THRB: variants seen among roughly 807,000 people sequenced by gnomAD.
The protein encoded by THRB is thyroid hormone receptor beta, also known as nuclear receptor subfamily 1 group A member 2.
THRB carries 12 observed loss-of-function variants against 47.8 expected under a neutral mutation model. That is an observed-to-expected ratio of 0.25 (90% CI 0.16 to 0.41). The LOEUF is 0.41. Ranked by LOEUF, THRB falls within the 10% of genes least tolerant of loss-of-function variation. The pLI, the probability that THRB is intolerant of heterozygous loss-of-function variation, is 1.00. For synonymous variants in THRB, 218 were observed against 212.2 expected, an observed-to-expected ratio of 1.03 and a Z score of -0.24; for missense variants, 348 against 589.2, an observed-to-expected ratio of 0.59 and a Z score of 4.24.
rs547691729 is a variant in THRB, at chr3:24,294,976, T to C, written c.-43+2250A>G. 2.0e-5 allele frequency among the ~76,000 whole-genome samples: 3 copies of C among 152,318 alleles called. No individual in the cohort carries two copies. The East Asian group carries it at 5.8e-4, about 29-fold the overall frequency. On this transcript the variant is annotated intron_variant, in intron 3 of 10. Transcript: ENST00000646209. ...CTTCACTGAAATGTAAGAAATCACC[T>C]GTGAATTCAATAAAATCCATGTTAG...
At chr3:24,400,756 T>C (rs903573202) in intron 1 of THRB, among the ~76,000 whole-genome samples, 9 of 152,058 alleles carry the variant, frequency 5.9e-5, no homozygotes, top group African/African-American at 2.2e-4. Context: ...CTAGATCAGA[T>C]GCTTACTAAA....
intron 4 of THRB, among the ~76,000 whole-genome samples, chr3:24,192,186 A>C (rs1246211757): frequency 1.3e-5 from 2 of 152,202 alleles, no homozygotes; most frequent in East Asian, 3.9e-4. Context: ...ACAGATTGAG[A>C]TCTTGAAAGA....
Position 24,250,475 on chromosome 3 carries a change from T to C in THRB, c.-42-21474A>G, listed in dbSNP as rs1046738804. 4.6e-5 allele frequency among the ~76,000 whole-genome samples: 7 copies of C among 152,302 alleles called. No homozygotes were observed. In the South Asian group the frequency reaches 6.2e-4, roughly 14 times the overall value. On this transcript the variant is annotated intron_variant, in intron 3 of 10. Coordinates refer to ENST00000646209, the MANE Select transcript of THRB (RefSeq NM_001354712.2). ...ACTTTGGGAGGCTGAGGCAGGAGGA[T>C]TGCTTGAGGCCAAGAGTTCAAGAGT...
At chr3:24,256,449 C>T (rs940823095) in intron 3 of THRB, among the ~76,000 whole-genome samples, 15 of 151,856 alleles carry the variant, frequency 9.9e-5, no homozygotes, top group Admixed American at 8.5e-4. Context: ...GAGTTCGTTG[C>T]AGGGAATAAA....
intron 5 of THRB, among the ~76,000 whole-genome samples, chr3:24,169,240 G>A (rs1488982460): frequency 6.6e-6 from 1 of 152,060 alleles, no homozygotes; most frequent in East Asian, 1.9e-4. Flanking sequence ...TCTGGCCAAC[G>A]AGATGTAATA....
intron 2 of THRB, among the ~76,000 whole-genome samples, chr3:24,299,345 A>G (rs1036676886): frequency 1.3e-5 from 2 of 152,014 alleles, no homozygotes; most frequent in African/African-American, 4.8e-5. Context: ...CATTATAACT[A>G]AGAGTTCTTT....
intron 3 of THRB, among the ~76,000 whole-genome samples, chr3:24,235,679 T>G (rs552587336): frequency 6.6e-6 from 1 of 152,068 alleles, no homozygotes; most frequent in East Asian, 1.9e-4. Context: ...GTCAGACCCA[T>G]GAGTGTGACG....
chr3:24,476,573 C>G (rs1467425159), intron 1 of THRB, among the ~76,000 whole-genome samples: 1 of 152,130 alleles, frequency 6.6e-6, no homozygotes, highest in Admixed American at 6.5e-5. Flanking sequence ...AAGTTTGTAT[C>G]ATTTACGGAA....
chr3:24,142,065 T>C (rs2148988163), intron 8 of THRB, among the ~76,000 whole-genome samples: 1 of 152,260 alleles, frequency 6.6e-6, no homozygotes, highest in East Asian at 1.9e-4. Flanking sequence ...TTCAGAGGCT[T>C]TTTGGGTTTG....
intron 1 of THRB, among the ~76,000 whole-genome samples, chr3:24,369,448 A>G (rs1205544293): frequency 2.0e-5 from 3 of 152,178 alleles, no homozygotes. Flanking sequence ...TATTGCACAC[A>G]TTGCCTTCAC....
At chr3:24,370,125 A>T (rs2064794021) in intron 1 of THRB, among the ~76,000 whole-genome samples, 1 of 152,142 alleles carries the variant, frequency 6.6e-6, no homozygotes, top group African/African-American at 2.4e-5. Context: ...TTTTAGGGGG[A>T]TATTTTACGA....
chr3:24,321,647 G>T (rs1328259825), intron 2 of THRB, among the ~76,000 whole-genome samples: 1 of 151,438 alleles, frequency 6.6e-6, no homozygotes, highest in East Asian at 1.9e-4. Flanking sequence ...TTTTTTTCTG[G>T]GAGGAAGGTC....
rs186362785 is a variant in THRB, at chr3:24,390,847, C to T, written c.-260-53476G>A. On this transcript the variant is annotated intron_variant, in intron 1 of 10. Coordinates refer to ENST00000646209, the MANE Select transcript of THRB (RefSeq NM_001354712.2). ...TTTTAAATTCTTGGAATTAAAAACT[C>T]ATAGGTAGAATATTGGCCCCAATTC... Among the ~76,000 whole-genome samples the T allele has an allele frequency of 4.1e-3, 618 of 150,448 alleles. 3 individuals are homozygous for T. The highest frequency in any genetic ancestry group is 6.3e-3 in the Non-Finnish European group (425 of 67,726).
At chr3:24,275,966 C>G (rs926965007) in intron 3 of THRB, among the ~76,000 whole-genome samples, 1 of 152,056 alleles carries the variant, frequency 6.6e-6, no homozygotes, top group African/African-American at 2.4e-5. Context: ...AGGCTTTACT[C>G]ATTTCCCAGA....
At chr3:24,206,870 C>A (rs2045425546) in intron 4 of THRB, among the ~76,000 whole-genome samples, 1 of 152,150 alleles carries the variant, frequency 6.6e-6, no homozygotes, top group Non-Finnish European at 1.5e-5. Flanking sequence ...CTATAAAAAC[C>A]TCTACACAAA....
intron 3 of THRB, among the ~76,000 whole-genome samples, chr3:24,274,604 C>G (rs143130275): frequency 6.6e-6 from 1 of 151,584 alleles, no homozygotes; most frequent in East Asian, 1.9e-4. Context: ...TTGTCTATTT[C>G]TTTTTTTAAA....
intron 5 of THRB, among the ~76,000 whole-genome samples, chr3:24,152,937 G>T (rs2037203168): frequency 6.7e-6 from 1 of 150,070 alleles, no homozygotes; most frequent in Non-Finnish European, 1.5e-5. Flanking sequence ...ACTCCAGCCT[G>T]GGCGACAAGA....
At chr3:24,301,552 C>T (rs2056944607) in intron 2 of THRB, among the ~76,000 whole-genome samples, 1 of 152,132 alleles carries the variant, frequency 6.6e-6, no homozygotes, top group South Asian at 2.1e-4. Context: ...TAAAAAATTA[C>T]ATGGTACAGT....
At chr3:24,488,438 A>T (rs2125936480) in intron 1 of THRB, among the ~76,000 whole-genome samples, 1 of 152,368 alleles carries the variant, frequency 6.6e-6, no homozygotes, top group African/African-American at 2.4e-5. Context: ...TATTTGTTAA[A>T]ATAGGATTAG....
Sources: allele counts gnomAD v4.1 joint callset (sites outside exome capture counted in the v4.1 genomes callset), GRCh38; gene constraint gnomAD v4.1.1; transcripts MANE v1.5; gene names NCBI Gene and HGNC (gene_info 2026-07-23, HGNC 2026-07-21).